PAM16: variants seen among roughly 807,000 people sequenced by gnomAD.
PAM16 encodes mitochondrial import inner membrane translocase subunit TIM16.
PAM16 carries 11 observed loss-of-function variants against 17.9 expected under a neutral mutation model. The observed-to-expected ratio is 0.62, with a 90% CI of 0.39 to 1.02. The LOEUF (loss-of-function observed/expected upper bound fraction) is 1.02, where lower values mean the gene tolerates loss of function less well. Among genes scored for constraint, PAM16 ranks in the 50% least tolerant of loss-of-function variants. PAM16 has a pLI of 0.01. For synonymous variants in PAM16, 72 were observed against 67.4 expected, an observed-to-expected ratio of 1.07 and a Z score of -0.34; for missense variants, 199 against 165.4, an observed-to-expected ratio of 1.20 and a Z score of -1.11.
intron 1 of PAM16, chr16:4,347,398 C>T (rs2053775118): frequency 6.6e-6 from 1 of 152,156 alleles, no homozygotes; most frequent in Non-Finnish European, 1.5e-5. Flanking sequence ...CCTCGGCTTC[C>T]CAAAGTGCTA....
chr16:4,342,480 C>A (rs1444651998), intron 2 of PAM16, among the ~76,000 whole-genome samples: 1 of 150,942 alleles, frequency 6.6e-6, no homozygotes, highest in Non-Finnish European at 1.5e-5. Context: ...CACGGAGAAA[C>A]CCCGTCTCTA....
chr16:4,340,351 C>T lies in PAM16; in HGVS notation c.346G>A (p.Asp116Asn), dbSNP rs765211469. The T allele has an allele frequency of 1.2e-5, 20 of 1,612,870 alleles. No homozygotes were observed. Among genetic ancestry groups the T allele is most frequent in the Non-Finnish European group, 1.6e-5 (19 of 1,179,904 alleles). ...DEELKIQAQE[D>N]REKGQMPHT ...TGGGGCATCTGCCCTTTTTCTCTGT[C>T]CTCCTGGGCCTGGATTTTGAGTTCC... Residue 116 changes from aspartate to asparagine, a missense_variant, in exon 5 of 5, where the codon GAC (aspartate) becomes AAC (asparagine). Transcript: ENST00000318059.
At chr16:4,344,939 G>C (rs2053729956) in intron 1 of PAM16, among the ~76,000 whole-genome samples, 1 of 152,092 alleles carries the variant, frequency 6.6e-6, no homozygotes, top group Middle Eastern at 3.4e-3. Context: ...TAGGCAGAGG[G>C]ACTGGGTTGA....
intron 1 of PAM16, among the ~76,000 whole-genome samples, chr16:4,350,315 T>C (rs1028545707): frequency 6.7e-6 from 1 of 150,014 alleles, no homozygotes; most frequent in Non-Finnish European, 1.5e-5. Context: ...TGTGTGTATA[T>C]ATATATATAA....
intron 1 of PAM16, among the ~76,000 whole-genome samples, chr16:4,344,308 T>C (rs1412037135): frequency 1.3e-4 from 1 of 7,802 alleles, no homozygotes; most frequent in Non-Finnish European, 2.0e-4. Flanking sequence ...GAGGAGGGGG[T>C]TCTGTGAGAG....
intron 3 of PAM16, 151 bp from the exon 4 acceptor site, chr16:4,341,136 G>C: frequency 1.7e-6 from 2 of 1,205,504 alleles, no homozygotes; most frequent in Non-Finnish European, 2.4e-6. Context: ...GGCAGAGATG[G>C]GGACGGGTAC....
At chr16:4,348,819 C>T (rs767295554) in intron 1 of PAM16, among the ~76,000 whole-genome samples, 2 of 151,754 alleles carry the variant, frequency 1.3e-5, no homozygotes, top group East Asian at 3.9e-4. Context: ...CCATGCCCGG[C>T]TAATTTTTTG....
rs556973843 is a variant in PAM16 at position 4,341,114 on chromosome 16, T to G, written c.226-129A>C. 6.9e-5 allele frequency: 90 copies of G among 1,307,412 alleles called. No homozygotes were observed. The African/African-American group carries it at 1.2e-3, about 18-fold the overall frequency. The allele number at this position is 1,307,412 out of a possible 1,614,324, so 81.0% of individuals were successfully genotyped here. ...CCCTGTGTGCCACACCCAGCTGTTG[T>G]GGCCACTGAGAGGCAGAGATGGGGA... is the stretch of plus-strand genomic sequence containing the variant. On this transcript the variant is annotated intron_variant, in intron 3 of 4. Coordinates refer to ENST00000318059, the MANE Select transcript of PAM16 (RefSeq NM_016069.11).
Sources: gnomAD v4.1 joint callset for allele counts (sites outside exome capture counted in the v4.1 genomes callset) on GRCh38, gnomAD v4.1.1 for gene constraint, MANE v1.5 for transcripts, NCBI Gene and HGNC (gene_info 2026-07-23, HGNC 2026-07-21) for gene names.